The following CREG2 variants were observed in gnomAD, a reference collection of about 807,000 sequenced individuals.
The protein encoded by CREG2 is cellular repressor of E1A stimulated genes 2.
Under a neutral mutation model 26.2 loss-of-function variants are expected in CREG2, and 24 were observed. The ratio of observed to expected loss-of-function variants is 0.92; its 90% CI spans 0.66 to 1.29. CREG2 has a LOEUF of 1.29. CREG2 is among the 50% of genes most tolerant of loss of function. The probability of loss-of-function intolerance (pLI) is 0.00; values close to 1 mark genes in which losing one functional copy is unlikely to be tolerated. For synonymous variants in CREG2, 174 were observed against 169.2 expected (o/e 1.03, Z -0.22); for missense variants, 366 against 398.6 (o/e 0.92, Z 0.70).
intron 2 of CREG2, among the ~76,000 whole-genome samples, chr2:101,365,570 G>A (rs1281710755): frequency 6.6e-6 from 1 of 152,028 alleles, no homozygotes; most frequent in Non-Finnish European, 1.5e-5. Flanking sequence ...GAAAAAGCTT[G>A]TCTATTTTAT....
Position 101,359,573 on chromosome 2 carries a change from T to C in CREG2, c.612-4207A>G, listed in dbSNP as rs371721196. Among the ~76,000 whole-genome samples, 20 of 152,312 alleles carry C rather than the reference T, an allele frequency of 1.3e-4. No homozygotes were observed. The East Asian group carries it at 1.3e-3, about 10-fold the overall frequency. ...GCACTGGGTGTGACCAATTATTTTT[T>C]TAGAGAGACAGTTAACAACCACCTG... On this transcript the variant is annotated intron_variant, in intron 2 of 3. Coordinates refer to ENST00000324768, the MANE Select transcript of CREG2 (RefSeq NM_153836.4).
intron 2 of CREG2, among the ~76,000 whole-genome samples, chr2:101,381,598 C>T (rs1437301447): frequency 1.3e-5 from 2 of 152,204 alleles, no homozygotes; most frequent in Admixed American, 1.3e-4. Flanking sequence ...TATTTCAATA[C>T]TTCAGAAGCT....
At chr2:101,372,262 C>A (rs959259531) in intron 2 of CREG2, among the ~76,000 whole-genome samples, 11 of 152,182 alleles carry the variant, frequency 7.2e-5, no homozygotes, top group Non-Finnish European at 8.8e-5. Flanking sequence ...AGAGCCTGTG[C>A]CTTTAAGTGT....
chr2:101,373,962 G>C (rs931842614), intron 2 of CREG2, among the ~76,000 whole-genome samples: 50 of 152,342 alleles, frequency 3.3e-4, no homozygotes, highest in African/African-American at 1.2e-3. Context: ...AACTGCCTGG[G>C]CTCAATGGAG....
intron 2 of CREG2, among the ~76,000 whole-genome samples, chr2:101,370,863 C>T (rs903661344): frequency 1.1e-4 from 16 of 152,164 alleles, no homozygotes; most frequent in African/African-American, 3.9e-4. Context: ...ACCCCAGGGC[C>T]CTCTTGGCTC....
chr2:101,348,754 T>G lies in CREG2; in HGVS notation c.*2169A>C, dbSNP rs1242892137. 7.2e-5 allele frequency: 11 copies of G among 152,180 alleles called. No individual in the cohort carries two copies. The highest frequency in any genetic ancestry group is 7.2e-4 in the Admixed American group (11 of 15,276). 9.4% of individuals were successfully genotyped at this position (152,180 alleles called of 1,614,324 possible). A position where few individuals can be genotyped will look rare whatever the true frequency, so the allele number is the denominator to read the frequency against. On this transcript the variant is annotated 3_prime_UTR_variant, in exon 4 of 4. Transcript: ENST00000324768. ...ATCTCTAAATAGGGGTACTTTTTTTTTCTTTCGATCTGTATGCATTTAATC... is the reference window on the plus strand; with the variant it reads ...ATCTCTAAATAGGGGTACTTTTTTTGTCTTTCGATCTGTATGCATTTAATC...
At chr2:101,362,890 G>A (rs1684564016) in intron 2 of CREG2, among the ~76,000 whole-genome samples, 1 of 152,146 alleles carries the variant, frequency 6.6e-6, no homozygotes, top group African/African-American at 2.4e-5. Context: ...GGGGAGCCCA[G>A]AGGGATGTCC....
At chr2:101,356,618 A>ATG (rs1684464421) in intron 2 of CREG2, among the ~76,000 whole-genome samples, 1 of 152,068 alleles carries the variant, frequency 6.6e-6, no homozygotes, top group Non-Finnish European at 1.5e-5. Flanking sequence ...CAGGTGTTGG[A>ATG]TGTGTGTGTA....
chr2:101,381,468 G>A lies in CREG2; in HGVS notation c.611+2065C>T, dbSNP rs1337478468. 2.6e-5 allele frequency among the ~76,000 whole-genome samples: 4 copies of A among 152,332 alleles called. No individual in the cohort carries two copies. The East Asian group carries it at 5.8e-4, about 22-fold the overall frequency. On this transcript the variant is annotated intron_variant, in intron 2 of 3. Coordinates refer to ENST00000324768, the MANE Select transcript of CREG2 (RefSeq NM_153836.4). ...ACAGGTGAGTCACATCTGGGCTTAC[G>A]CCGATTATGGGAAGTCGTAGACCCT...
intron 2 of CREG2, among the ~76,000 whole-genome samples, chr2:101,375,217 C>T (rs1257948833): frequency 6.6e-6 from 1 of 152,172 alleles, no homozygotes; most frequent in East Asian, 1.9e-4. Flanking sequence ...CCGAGGGATC[C>T]TCATTTCTGA....
intron 2 of CREG2, among the ~76,000 whole-genome samples, chr2:101,368,699 C>T (rs190252283): frequency 1.1e-4 from 17 of 152,272 alleles, no homozygotes; most frequent in East Asian, 9.6e-4. Flanking sequence ...AGGGAAAGCA[C>T]GCTAGACAAA....
At chr2:101,355,075 C>T (rs886772327) in intron 3 of CREG2, among the ~76,000 whole-genome samples, 178 bp downstream of exon 3, 4 of 152,166 alleles carry the variant, frequency 2.6e-5, no homozygotes, top group Non-Finnish European at 5.9e-5. Context: ...GGCATTCACC[C>T]GGCTTCTGCT....
intron 2 of CREG2, among the ~76,000 whole-genome samples, chr2:101,359,799 C>T (rs900196227): frequency 2.0e-5 from 3 of 152,226 alleles, no homozygotes; most frequent in Admixed American, 6.5e-5. Context: ...CCAAATAAAT[C>T]GCTGTTACCA....
chr2:101,365,073 G>A (rs764047635), intron 2 of CREG2, among the ~76,000 whole-genome samples: 55 of 152,226 alleles, frequency 3.6e-4, no homozygotes, highest in Non-Finnish European at 4.1e-4. Flanking sequence ...GGCTGGAGAA[G>A]CTGGAGTGTA....
At chr2:101,380,007 CT>C (rs1192419638) in intron 2 of CREG2, among the ~76,000 whole-genome samples, 42 of 150,408 alleles carry the variant, frequency 2.8e-4, no homozygotes, top group Admixed American at 8.6e-4. Flanking sequence ...ATCTATCTAT[CT>C]ATCTATCAAT....
At chr2:101,377,267 T>C (rs1323214155) in intron 2 of CREG2, among the ~76,000 whole-genome samples, 7 of 151,238 alleles carry the variant, frequency 4.6e-5, no homozygotes, top group Non-Finnish European at 1.0e-4. Context: ...AAAAAAGAAA[T>C]GTTTTTATTT....
chr2:101,363,304 C>A (rs1440256190), intron 2 of CREG2, among the ~76,000 whole-genome samples: 1 of 152,116 alleles, frequency 6.6e-6, no homozygotes, highest in Non-Finnish European at 1.5e-5. Context: ...ATAAAGGACA[C>A]AATAAGGCAG....
In CREG2 at chr2:101,352,601, A is replaced by G. The variant is rs372145863; in HGVS notation, c.726-1531T>C. On this transcript the variant is annotated intron_variant, in intron 3 of 3. Transcript: ENST00000324768. ...GGCGGGAGGATCACATGAGGCCACG[A>G]GTTCGAGACCAGCCTGGACAACATG... Among the ~76,000 whole-genome samples the G allele has an allele frequency of 3.9e-5, 6 of 152,336 alleles. No homozygotes were observed. In the East Asian group the frequency reaches 1.2e-3, roughly 29 times the overall value.
At chr2:101,360,595 G>A (rs891472015) in intron 2 of CREG2, among the ~76,000 whole-genome samples, 14 of 151,986 alleles carry the variant, frequency 9.2e-5, no homozygotes, top group East Asian at 5.8e-4. Flanking sequence ...AAAATTAGCC[G>A]GGTGTGGTGG....
Sources: gnomAD v4.1 joint callset for allele counts (sites outside exome capture counted in the v4.1 genomes callset) on GRCh38, gnomAD v4.1.1 for gene constraint, MANE v1.5 for transcripts, NCBI Gene and HGNC (gene_info 2026-07-23, HGNC 2026-07-21) for gene names.